PLCB4: variants seen among roughly 807,000 people sequenced by gnomAD.
PLCB4 encodes the protein phospholipase C beta 4, also known as 1-phosphatidylinositol 4,5-bisphosphate phosphodiesterase beta-4.
Under a neutral mutation model 178.8 loss-of-function variants are expected in PLCB4, and 77 were observed. The ratio of observed to expected loss-of-function variants is 0.43; its 90% CI spans 0.36 to 0.52. The LOEUF is 0.52. PLCB4 is among the 20% of genes least tolerant of loss of function. The pLI, the probability that PLCB4 is intolerant of heterozygous loss-of-function variation, is 0.00. For synonymous variants in PLCB4, 496 were observed against 490.8 expected, an observed-to-expected ratio of 1.01 and a Z score of -0.14; for missense variants, 1,024 against 1,453.4, an observed-to-expected ratio of 0.70 and a Z score of 4.80.
At chr20:9,107,158 G>A (rs2091396202) in intron 2 of PLCB4, among the ~76,000 whole-genome samples, 1 of 152,054 alleles carries the variant, frequency 6.6e-6, no homozygotes, top group African/African-American at 2.4e-5. Flanking sequence ...TTGACCTTTT[G>A]TAAAGAAAAA....
chr20:9,377,540 T>G (rs1297957100), intron 12 of PLCB4, among the ~76,000 whole-genome samples: 1 of 152,196 alleles, frequency 6.6e-6, no homozygotes, highest in Non-Finnish European at 1.5e-5. Context: ...TTTTGAAGCA[T>G]GAAGATTTTA....
intron 2 of PLCB4, among the ~76,000 whole-genome samples, chr20:9,106,537 A>G (rs1410216929): frequency 4.0e-5 from 6 of 151,218 alleles, no homozygotes; most frequent in Non-Finnish European, 8.9e-5. Flanking sequence ...TATGACACAC[A>G]TGCACACACA....
chr20:9,416,013 C>G (rs185736480), intron 25 of PLCB4, among the ~76,000 whole-genome samples: 76 of 152,314 alleles, frequency 5.0e-4, no homozygotes, highest in Admixed American at 2.5e-3. Flanking sequence ...TGCTAAGTGT[C>G]CTATCCCAGG....
At chr20:9,400,867 C>T (rs772331622) in intron 19 of PLCB4, among the ~76,000 whole-genome samples, 13 of 152,168 alleles carry the variant, frequency 8.5e-5, no homozygotes, top group Non-Finnish European at 1.8e-4. Context: ...TCCAGGGACA[C>T]CAGCTTTATT....
At chr20:9,301,614 TAGA>T (rs2094704757) in intron 3 of PLCB4, among the ~76,000 whole-genome samples, 1 of 152,130 alleles carries the variant, frequency 6.6e-6, no homozygotes, top group Non-Finnish European at 1.5e-5. Context: ...ACCGAATGGA[TAGA>T]AGGCCATATT....
At chr20:9,307,452 T>A (rs1170724999) in intron 3 of PLCB4, among the ~76,000 whole-genome samples, 1 of 151,544 alleles carries the variant, frequency 6.6e-6, no homozygotes, top group Non-Finnish European at 1.5e-5. Flanking sequence ...TGGTCTACGG[T>A]TTCCTTATTT....
chr20:9,396,849 C>T lies in PLCB4; in HGVS notation c.1510+1231C>T, dbSNP rs76506604. ...TAACTTAATTAAAAAATACCTATTG[C>T]TTAAAAATGCTGACAATTATCTAAA... On this transcript the variant is annotated intron_variant, in intron 19 of 39. Transcript: ENST00000378473. 2.7e-3 allele frequency among the ~76,000 whole-genome samples: 407 copies of T among 152,326 alleles called. 1 individual carries two copies. The highest frequency in any genetic ancestry group is 9.3e-3 in the African/African-American group (386 of 41,566).
intron 3 of PLCB4, among the ~76,000 whole-genome samples, chr20:9,289,551 A>T (rs1364280266): frequency 6.6e-6 from 1 of 152,140 alleles, no homozygotes; most frequent in Non-Finnish European, 1.5e-5. Flanking sequence ...ACTGATAGTA[A>T]TGTGGACATC....
chr20:9,465,521 A>C (rs2122551518), intron 35 of PLCB4, among the ~76,000 whole-genome samples: 1 of 152,336 alleles, frequency 6.6e-6, no homozygotes, highest in Admixed American at 6.5e-5. Context: ...ACATGATAGT[A>C]TATTTAGAAA....
intron 20 of PLCB4, among the ~76,000 whole-genome samples, chr20:9,403,220 T>G (rs73248717): frequency 0.039 from 6,005 of 152,238 alleles, 399 homozygotes; most frequent in African/African-American, 0.13. Context: ...GAAGACAGGT[T>G]GAGCTAGAGA....
At chr20:9,346,656 C>T (rs188721998) in intron 7 of PLCB4, among the ~76,000 whole-genome samples, 3 of 152,198 alleles carry the variant, frequency 2.0e-5, no homozygotes. Flanking sequence ...CTTCTGAGTT[C>T]ATTGGAAACA....
At chr20:9,114,300 T>C (rs548297841) in intron 2 of PLCB4, among the ~76,000 whole-genome samples, 3 of 152,142 alleles carry the variant, frequency 2.0e-5, no homozygotes, top group African/African-American at 4.8e-5. Flanking sequence ...CTTAATAAGG[T>C]GTTCAGAGGG....
At chr20:9,083,154 G>A (rs949815514) in intron 1 of PLCB4, among the ~76,000 whole-genome samples, 1 of 152,146 alleles carries the variant, frequency 6.6e-6, no homozygotes, top group South Asian at 2.1e-4. Flanking sequence ...TACATGGAAG[G>A]TATGTCTCAT....
At chr20:9,336,520 G>A (rs779026673) in intron 4 of PLCB4, among the ~76,000 whole-genome samples, 21 of 152,070 alleles carry the variant, frequency 1.4e-4, no homozygotes, top group African/African-American at 2.2e-4. Flanking sequence ...AGATTGCTGG[G>A]TCACATCCCC....
intron 33 of PLCB4, 48 bp from the exon 34 acceptor site, chr20:9,457,366 G>C: frequency 2.3e-6 from 2 of 881,536 alleles, no homozygotes; most frequent in Non-Finnish European, 3.9e-6. Context: ...CCATGGGAAT[G>C]GGAAAATATC....
chr20:9,302,846 G>A (rs375512027), intron 3 of PLCB4, among the ~76,000 whole-genome samples: 1 of 150,972 alleles, frequency 6.6e-6, no homozygotes, highest in African/African-American at 2.5e-5. Context: ...TATGCAAACT[G>A]TAAAAAGCTT....
At position 9,468,595 on chromosome 20, in the gene PLCB4, C is replaced by T; in HGVS notation, c.3273C>T (p.His1091=). 3 of 1,609,702 alleles carry T rather than the reference C, an allele frequency of 1.9e-6. No individual in the cohort carries two copies. ...HDRESKEMRA[H]QAKISMENSK... ...GGGAAAGCAAGGAAATGCGAGCACA[C>T]CAGGCTAAGATTTCTATGGAAAATA... Residue 1091 remains histidine (H), a synonymous_variant, in exon 36 of 40, where the codon CAC becomes CAT. Coordinates refer to ENST00000378473, the MANE Select transcript of PLCB4 (RefSeq NM_001377142.1).
intron 2 of PLCB4, among the ~76,000 whole-genome samples, chr20:9,165,320 G>A (rs2092951925): frequency 6.6e-6 from 1 of 152,174 alleles, no homozygotes; most frequent in Non-Finnish European, 1.5e-5. Context: ...TTATAATAGT[G>A]TGAAATCTAG....
At chr20:9,111,414 C>T (rs943247393) in intron 2 of PLCB4, among the ~76,000 whole-genome samples, 1 of 152,138 alleles carries the variant, frequency 6.6e-6, no homozygotes, top group African/African-American at 2.4e-5. Flanking sequence ...GTTGCTTTCT[C>T]TCATTGTTAT....
Sources: gnomAD v4.1 joint callset for allele counts (sites outside exome capture counted in the v4.1 genomes callset) on GRCh38, gnomAD v4.1.1 for gene constraint, MANE v1.5 for transcripts, NCBI Gene and HGNC (gene_info 2026-07-23, HGNC 2026-07-21) for gene names.